ENOX1: variants seen among roughly 807,000 people sequenced by gnomAD.
The protein encoded by ENOX1 is ecto-NOX disulfide-thiol exchanger 1.
A neutral mutation model predicts 82.5 loss-of-function variants in ENOX1; 42 were observed. That is an observed-to-expected ratio of 0.51 (90% confidence interval 0.40 to 0.66). The LOEUF (loss-of-function observed/expected upper bound fraction) is 0.66. ENOX1 is among the 30% of genes least tolerant of loss of function. The pLI is 0.00. For missense variants in ENOX1, 608 were observed against 811.6 expected (o/e 0.75, Z 3.05); for synonymous variants, 271 against 282.2 (o/e 0.96, Z 0.40).
intron 2 of ENOX1, among the ~76,000 whole-genome samples, chr13:43,540,623 C>CT (rs2078664600): frequency 6.6e-6 from 1 of 152,120 alleles, no homozygotes; most frequent in Non-Finnish European, 1.5e-5. Flanking sequence ...AGTGGTGAGA[C>CT]TGGTGAGATG....
intron 2 of ENOX1, among the ~76,000 whole-genome samples, chr13:43,658,106 G>T (rs758394115): frequency 2.6e-5 from 4 of 152,134 alleles, no homozygotes; most frequent in African/African-American, 4.8e-5. Flanking sequence ...ATTGTGTTCA[G>T]CCATTTCAGG....
At chr13:43,715,029 GT>G (rs2088013653) in intron 1 of ENOX1, among the ~76,000 whole-genome samples, 2 of 152,210 alleles carry the variant, frequency 1.3e-5, no homozygotes, top group African/African-American at 2.4e-5. Context: ...ATTTTGGCAT[GT>G]TTTTGCAGTG....
chr13:43,777,043 G>A (rs529269518), intron 1 of ENOX1, among the ~76,000 whole-genome samples: 11 of 152,308 alleles, frequency 7.2e-5, no homozygotes, highest in African/African-American at 2.4e-4. Flanking sequence ...GAGTTCCAGT[G>A]AGCTTGAATA....
intron 11 of ENOX1, among the ~76,000 whole-genome samples, chr13:43,305,387 C>T (rs1318897735): frequency 1.3e-5 from 2 of 152,152 alleles, no homozygotes; most frequent in Non-Finnish European, 2.9e-5. Flanking sequence ...TTCGAATCTG[C>T]ACATTAGCTA....
intron 2 of ENOX1, among the ~76,000 whole-genome samples, chr13:43,515,755 C>T (rs1193186631): frequency 6.6e-6 from 1 of 152,186 alleles, no homozygotes; most frequent in Non-Finnish European, 1.5e-5. Flanking sequence ...TGGAGAGCAA[C>T]TGCTCGTGGA....
At chr13:43,652,379 T>G (rs997871637) in intron 2 of ENOX1, among the ~76,000 whole-genome samples, 1 of 152,160 alleles carries the variant, frequency 6.6e-6, no homozygotes, top group African/African-American at 2.4e-5. Flanking sequence ...TGTAGCTACT[T>G]GTAGTATGCT....
chr13:43,483,949 T>TA, intron 3 of ENOX1, 60 bp downstream of exon 3: 1 of 944,664 alleles, frequency 1.1e-6, no homozygotes, highest in Non-Finnish European at 1.3e-6. Flanking sequence ...TATTTTCCAT[T>TA]AAAAAATATC....
intron 2 of ENOX1, among the ~76,000 whole-genome samples, chr13:43,490,264 GA>G (rs1279266708): frequency 6.6e-6 from 1 of 152,138 alleles, no homozygotes; most frequent in Non-Finnish European, 1.5e-5. Context: ...TAATATTTTA[GA>G]AGCGCATAAC....
chr13:43,467,926 T>A (rs1360737775), intron 3 of ENOX1, among the ~76,000 whole-genome samples: 3 of 152,134 alleles, frequency 2.0e-5, no homozygotes, highest in Non-Finnish European at 4.4e-5. Flanking sequence ...AAGACTATTC[T>A]TTCTTCCATT....
chr13:43,314,688 T>G (rs1042510700), intron 11 of ENOX1, among the ~76,000 whole-genome samples: 6 of 152,206 alleles, frequency 3.9e-5, no homozygotes, highest in African/African-American at 1.2e-4. Context: ...TTTAACAATG[T>G]TACAGTCACA....
At chr13:43,307,309 G>A (rs2153515359) in intron 11 of ENOX1, among the ~76,000 whole-genome samples, 2 of 152,326 alleles carry the variant, frequency 1.3e-5, no homozygotes, top group South Asian at 4.2e-4. Flanking sequence ...CTGGCATCTT[G>A]AGGTATCTGT....
chr13:43,718,790 T>C (rs951222080), intron 1 of ENOX1, among the ~76,000 whole-genome samples: 3 of 152,020 alleles, frequency 2.0e-5, no homozygotes, highest in Admixed American at 2.0e-4. Context: ...CAAGACTTTG[T>C]TATATATTCC....
chr13:43,723,555 T>C (rs899993540), intron 1 of ENOX1, among the ~76,000 whole-genome samples: 6 of 152,324 alleles, frequency 3.9e-5, no homozygotes, highest in Admixed American at 3.3e-4. Context: ...TCTTCTTATA[T>C]TCATTTCAAG....
At position 43,341,329 on chromosome 13, in the gene ENOX1, A is replaced by G. The variant is rs138136636; in HGVS notation, c.1036+3209T>C. ...AAAAGAGAGAGATGCAGTGATGGCA[A>G]ATCTACTAGAAGAGGGTGGACCAGA... On this transcript the variant is annotated intron_variant, in intron 9 of 16. Transcript: ENST00000690772. Among the ~76,000 whole-genome samples the G allele has an allele frequency of 1.3e-3, 196 of 152,198 alleles. 4 individuals carry two copies. The East Asian group carries it at 0.025, about 19-fold the overall frequency.
chr13:43,483,510 A>G (rs2058585770), intron 3 of ENOX1, among the ~76,000 whole-genome samples: 1 of 152,176 alleles, frequency 6.6e-6, no homozygotes, highest in African/African-American at 2.4e-5. Flanking sequence ...ATCATTTATA[A>G]ATCATAGGGT....
At chr13:43,417,200 C>T (rs1050357945) in intron 3 of ENOX1, among the ~76,000 whole-genome samples, 14 of 111,632 alleles carry the variant, frequency 1.3e-4, no homozygotes, top group South Asian at 8.2e-4. Context: ...CAGAGGGAGA[C>T]GGGAGACGGG....
chr13:43,596,888 A>G (rs1018569059), intron 2 of ENOX1, among the ~76,000 whole-genome samples: 8 of 152,194 alleles, frequency 5.3e-5, no homozygotes, highest in African/African-American at 1.7e-4. Flanking sequence ...AATGGTAAAA[A>G]TTACAGCATG....
intron 3 of ENOX1, among the ~76,000 whole-genome samples, chr13:43,434,173 C>T (rs1327811851): frequency 6.6e-6 from 1 of 152,182 alleles, no homozygotes; most frequent in African/African-American, 2.4e-5. Flanking sequence ...TGGTGACAAC[C>T]ATGTGCTCTC....
chr13:43,558,035 A>AGGG (rs1399536344), intron 2 of ENOX1, among the ~76,000 whole-genome samples: 1 of 152,146 alleles, frequency 6.6e-6, no homozygotes, highest in African/African-American at 2.4e-5. Flanking sequence ...GAGGACTTAG[A>AGGG]GGGGTCCCAT....
Sources: gnomAD v4.1 joint callset for allele counts (sites outside exome capture counted in the v4.1 genomes callset) on GRCh38, gnomAD v4.1.1 for gene constraint, MANE v1.5 for transcripts, NCBI Gene and HGNC (gene_info 2026-07-23, HGNC 2026-07-21) for gene names.